Variants in TMED10 observed in about 807,000 individuals in gnomAD.
The protein encoded by TMED10 is transmembrane emp24 domain-containing protein 10.
Under a neutral mutation model 23.1 loss-of-function variants are expected in TMED10, and 7 were observed. The observed-to-expected ratio is 0.30, with a 90% confidence interval of 0.17 to 0.57. TMED10 has a LOEUF of 0.57. Ranked by LOEUF, TMED10 falls within the 20% of genes least tolerant of loss-of-function variation. TMED10 has a pLI of 0.91. For missense variants in TMED10, 162 were observed against 274.8 expected, an observed-to-expected ratio of 0.59 and a Z score of 2.90; for synonymous variants, 113 against 106.9, an observed-to-expected ratio of 1.06 and a Z score of -0.35.
At position 75,134,855 on chromosome 14, in the gene TMED10, A is replaced by T. The variant is rs1365825248; in HGVS notation, c.*30T>A. On this transcript the variant is annotated 3_prime_UTR_variant, in exon 5 of 5. Transcript: ENST00000303575. ...CCAGCGATGTTCTGCTGGCTGAGGT[A>T]CAAGGTGGGAGGAGAATATGCCTCA... is the stretch of plus-strand genomic sequence containing the variant. 6.2e-7 allele frequency: 1 copy of T among 1,612,306 alleles called. No homozygotes were observed. The highest frequency in any genetic ancestry group is 2.2e-5 in the East Asian group (1 of 44,814).
chr14:75,172,330 CAG>C (rs1469653640), intron 1 of TMED10, among the ~76,000 whole-genome samples: 10 of 149,768 alleles, frequency 6.7e-5, no homozygotes, highest in Non-Finnish European at 1.3e-4. Context: ...TTTTTGGAGA[CAG>C]AGTCTCACTC....
chr14:75,147,185 G>GTTTTTTTTTTGTTTTTT (rs1491353231), intron 3 of TMED10, among the ~76,000 whole-genome samples: 27 of 116,630 alleles, frequency 2.3e-4, no homozygotes, highest in African/African-American at 9.9e-4. Context: ...CTTCAAGGCT[G>GTTTTTTTTTTGTTTTTT]TTTTTTTTTT....
At chr14:75,148,011 A>C in intron 2 of TMED10, 3 of 519,570 alleles carry the variant, frequency 5.8e-6, no homozygotes, top group Non-Finnish European at 1.1e-5. Context: ...AAGATACTGC[A>C]ACTGGTACTA....
chr14:75,169,367 A>C (rs976977438), intron 1 of TMED10, among the ~76,000 whole-genome samples: 1 of 152,214 alleles, frequency 6.6e-6, no homozygotes, highest in Non-Finnish European at 1.5e-5. Flanking sequence ...GACCCTTATA[A>C]GAAAGACTGC....
Position 75,167,044 on chromosome 14 carries a change from C to A in TMED10, c.225+9311G>T, listed in dbSNP as rs565545252. ...GCAACCTCCACTTCCCAGGTTCAAG[C>A]GATTCTCCTGCCTCAGCCTCCTGAG... On this transcript the variant is annotated intron_variant, in intron 1 of 4. Coordinates refer to ENST00000303575, the MANE Select transcript of TMED10 (RefSeq NM_006827.6). Among the ~76,000 whole-genome samples the A allele has an allele frequency of 2.0e-5, 3 of 150,618 alleles. No homozygotes were observed. In the South Asian group the frequency reaches 6.3e-4, roughly 31 times the overall value.
intron 1 of TMED10, among the ~76,000 whole-genome samples, chr14:75,165,754 C>T (rs1896152540): frequency 6.6e-6 from 1 of 152,184 alleles, no homozygotes; most frequent in African/African-American, 2.4e-5. Context: ...ACACTAAATT[C>T]TTTCAAATTT....
At chr14:75,142,836 A>G (rs1341542299) in intron 3 of TMED10, among the ~76,000 whole-genome samples, 11 of 151,406 alleles carry the variant, frequency 7.3e-5, no homozygotes, top group African/African-American at 2.7e-4. Flanking sequence ...TACTAAAAGC[A>G]CTCTGCATTG....
chr14:75,176,574 A>G lies in TMED10; in HGVS notation c.6T>C (p.Ser2=), dbSNP rs1201412551. Residue 2 remains serine, a synonymous_variant, in exon 1 of 5, where the codon TCT becomes TCC. Coordinates refer to ENST00000303575, the MANE Select transcript of TMED10 (RefSeq NM_006827.6). ...GCCGGGCTGGTGGGCCAGACAAACCAGACATGGTGCTGGAGACTCGTTCAC... is the reference window on the plus strand; with the variant it reads ...GCCGGGCTGGTGGGCCAGACAAACCGGACATGGTGCTGGAGACTCGTTCAC... M[S]GLSGPPARRG... is the part of the protein sequence containing the mutation. The G allele has an allele frequency of 1.2e-6, 2 of 1,613,946 alleles. No homozygotes were observed. The highest frequency in any genetic ancestry group is 1.3e-5 in the African/African-American group (1 of 74,894).
intron 3 of TMED10, 166 bp downstream of exon 3, chr14:75,147,498 C>G: frequency 1.3e-6 from 1 of 778,314 alleles, no homozygotes; most frequent in East Asian, 2.5e-5. Context: ...CCGGCTAAGG[C>G]TGTTAATACC....
At chr14:75,167,748 T>A (rs946150716) in intron 1 of TMED10, among the ~76,000 whole-genome samples, 5 of 152,142 alleles carry the variant, frequency 3.3e-5, no homozygotes, top group Non-Finnish European at 7.4e-5. Flanking sequence ...ATCTCAGTGC[T>A]GTGGGAGGAT....
chr14:75,172,560 G>A (rs745831811), intron 1 of TMED10, among the ~76,000 whole-genome samples: 3 of 151,966 alleles, frequency 2.0e-5, no homozygotes, highest in Non-Finnish European at 4.4e-5. Context: ...CGCCCACCTC[G>A]GCCTCCCAAA....
At chr14:75,160,717 C>A (rs1441839783) in intron 1 of TMED10, among the ~76,000 whole-genome samples, 1 of 152,156 alleles carries the variant, frequency 6.6e-6, no homozygotes, top group Non-Finnish European at 1.5e-5. Flanking sequence ...CTAGATATCA[C>A]CTTCTGAAGA....
chr14:75,145,954 A>G (rs1262307020), intron 3 of TMED10, among the ~76,000 whole-genome samples: 1 of 152,200 alleles, frequency 6.6e-6, no homozygotes, highest in Non-Finnish European at 1.5e-5. Flanking sequence ...TCTACCTTAT[A>G]ATAATGAGAA....
intron 1 of TMED10, among the ~76,000 whole-genome samples, chr14:75,156,435 CCA>C: frequency 6.6e-6 from 1 of 151,782 alleles, no homozygotes; most frequent in East Asian, 1.9e-4. Flanking sequence ...AAGTAAATGC[CCA>C]CAGAGATCAA....
chr14:75,136,669 A>G (rs1380832297), intron 3 of TMED10: 2 of 152,256 alleles, frequency 1.3e-5, no homozygotes, highest in Admixed American at 6.5e-5. Context: ...ACACAATTAG[A>G]GAATTCTGGT....
At chr14:75,153,370 C>A (rs1895978851) in intron 1 of TMED10, among the ~76,000 whole-genome samples, 1 of 152,048 alleles carries the variant, frequency 6.6e-6, no homozygotes, top group Non-Finnish European at 1.5e-5. Flanking sequence ...TCTTCTAGAT[C>A]CTTAGCTTTA....
chr14:75,167,222 G>A (rs1896175800), intron 1 of TMED10, among the ~76,000 whole-genome samples: 1 of 152,102 alleles, frequency 6.6e-6, no homozygotes, highest in Admixed American at 6.5e-5. Context: ...TTACAGGCGT[G>A]AGCCACCACG....
chr14:75,174,346 A>G (rs1408615924), intron 1 of TMED10, among the ~76,000 whole-genome samples: 1 of 152,202 alleles, frequency 6.6e-6, no homozygotes, highest in Non-Finnish European at 1.5e-5. Context: ...TGAAGAGCAC[A>G]ACAAAGCATG....
At chr14:75,137,712 T>TTTC (rs1223171552) in intron 3 of TMED10, among the ~76,000 whole-genome samples, 26 of 71,412 alleles carry the variant, frequency 3.6e-4, no homozygotes, top group Middle Eastern at 8.3e-3. Flanking sequence ...TTCTTTCTTT[T>TTTC]TTTTTTTTTT....
Sources: allele counts gnomAD v4.1 joint callset (sites outside exome capture counted in the v4.1 genomes callset), GRCh38; gene constraint gnomAD v4.1.1; transcripts MANE v1.5; gene names NCBI Gene and HGNC (gene_info 2026-07-23, HGNC 2026-07-21).